The following CSMD2 variants were observed in gnomAD, a reference collection of about 807,000 sequenced individuals.
CSMD2 encodes CUB and Sushi multiple domains 2, also known as CUB and sushi domain-containing protein 2.
In CSMD2, 130 loss-of-function variants were observed where a neutral mutation model predicts 398.5. The ratio of observed to expected loss-of-function variants is 0.33; its 90% CI spans 0.28 to 0.38. CSMD2 has a LOEUF of 0.38. Among genes scored for constraint, CSMD2 ranks in the 10% least tolerant of loss-of-function variants. The probability of loss-of-function intolerance (pLI) is 1.00; values close to 1 mark genes in which losing one functional copy is unlikely to be tolerated. For missense variants in CSMD2, 3,829 were observed against 4,764.9 expected, an observed-to-expected ratio of 0.80 and a Z score of 5.78; for synonymous variants, 1,828 against 1,908.5, an observed-to-expected ratio of 0.96 and a Z score of 1.10.
In CSMD2 at chr1:34,165,087, G is replaced by A; in HGVS notation, c.11C>T (p.Ser4Leu). The change falls in exon 1 of 71, where the codon TCG becomes TTG. Residue 4 changes from serine to leucine, a missense_variant. Transcript: ENST00000373381. ...GCAGCGCCCCAGCTCCCGTCCCCGCGAGCGCGGCATGGCGCGGCCGGCAGC... is the reference window on the plus strand; with the variant it reads ...GCAGCGCCCCAGCTCCCGTCCCCGCAAGCGCGGCATGGCGCGGCCGGCAGC... Reference protein sequence around the residue: MPRSRGRELGRCGC... With the variant: MPRLRGRELGRCGC... The A allele has an allele frequency of 1.6e-6, 2 of 1,214,440 alleles. No individual in the cohort carries two copies. The highest frequency in any genetic ancestry group is 1.0e-6 in the Non-Finnish European group (1 of 976,730). 75.2% of individuals were successfully genotyped at this position (1,214,440 alleles called of 1,614,324 possible).
intron 2 of CSMD2, among the ~76,000 whole-genome samples, chr1:34,032,921 C>T (rs1418356848): frequency 6.6e-6 from 1 of 152,186 alleles, no homozygotes; most frequent in Non-Finnish European, 1.5e-5. Context: ...TGGTCTAATC[C>T]CCAACCTGGA....
At chr1:33,874,136 AG>A (rs1331082017) in intron 5 of CSMD2, among the ~76,000 whole-genome samples, 6 of 152,226 alleles carry the variant, frequency 3.9e-5, no homozygotes, top group Non-Finnish European at 7.3e-5. Context: ...AGAGAAGGGA[AG>A]GGATCTTGCC....
intron 44 of CSMD2, among the ~76,000 whole-genome samples, chr1:33,591,571 TATAAA>T (rs1639459241): frequency 2.6e-5 from 4 of 152,190 alleles, no homozygotes. Flanking sequence ...CACTGAACAA[TATAAA>T]ATAAACATTT....
intron 2 of CSMD2, among the ~76,000 whole-genome samples, chr1:34,044,674 A>T (rs573623110): frequency 6.6e-6 from 1 of 152,194 alleles, no homozygotes; most frequent in Non-Finnish European, 1.5e-5. Flanking sequence ...TCCGAGGGTG[A>T]TCTATGCATG....
chr1:33,716,135 A>T, intron 20 of CSMD2, 151 bp downstream of exon 20: 1 of 648,700 alleles, frequency 1.5e-6, no homozygotes, highest in Non-Finnish European at 2.7e-6. Context: ...GGTCTAACCC[A>T]AGCATCTTTT....
intron 48 of CSMD2, among the ~76,000 whole-genome samples, chr1:33,579,173 C>A (rs1638513973): frequency 6.6e-6 from 1 of 152,212 alleles, no homozygotes; most frequent in Admixed American, 6.5e-5. Context: ...TAATAACGTT[C>A]AGTTCCTAAT....
chr1:33,762,240 G>A (rs1367102810), intron 13 of CSMD2, among the ~76,000 whole-genome samples: 1 of 152,260 alleles, frequency 6.6e-6, no homozygotes, highest in Admixed American at 6.5e-5. Flanking sequence ...TTTTGAGCCA[G>A]CAGCTGTGAA....
rs189544888 is a variant in CSMD2, at chr1:34,064,182, T to C, written c.404+24795A>G. ...GCCTAGAGACATTTTTCCATTGTCT[T>C]TGGGATTAACATTTGGTTCCTTGTT... On this transcript the variant is annotated intron_variant, in intron 2 of 70. Transcript: ENST00000373381. 2.4e-4 allele frequency among the ~76,000 whole-genome samples: 36 copies of C among 152,346 alleles called. 1 individual carries two copies. The East Asian group carries it at 6.8e-3, about 29-fold the overall frequency.
chr1:33,714,884 A>C (rs1379044071), intron 20 of CSMD2, 109 bp from the exon 21 acceptor site: 1 of 1,074,448 alleles, frequency 9.3e-7, no homozygotes, highest in Non-Finnish European at 1.4e-6. Context: ...AGGGACAACG[A>C]AAGACAGAGA....
intron 1 of CSMD2, among the ~76,000 whole-genome samples, chr1:34,142,958 G>T (rs1639442363): frequency 6.6e-6 from 1 of 152,124 alleles, no homozygotes; most frequent in African/African-American, 2.4e-5. Flanking sequence ...GTGCTGTGTG[G>T]AAACAGCTGT....
At chr1:34,072,984 C>T (rs1406108369) in intron 2 of CSMD2, among the ~76,000 whole-genome samples, 4 of 152,272 alleles carry the variant, frequency 2.6e-5, no homozygotes, top group South Asian at 4.1e-4. Context: ...GGATATCAAG[C>T]AGATACCAGG....
At chr1:34,114,133 A>G (rs771121) in intron 1 of CSMD2, among the ~76,000 whole-genome samples, 60,605 of 151,868 alleles carry the variant, frequency 0.4, 12,677 homozygotes, top group East Asian at 0.68. Flanking sequence ...GAAATTACAA[A>G]CCCTTGAAGG....
At chr1:34,150,075 C>CTTTTTTTTTTTTTTTTTTTTTTT (rs201785327) in intron 1 of CSMD2, among the ~76,000 whole-genome samples, 1 of 119,624 alleles carries the variant, frequency 8.4e-6, no homozygotes, top group African/African-American at 2.9e-5. Flanking sequence ...CATTTTTCTT[C>CTTTTTTTTTTTTTTTTTTTTTTT]TTTCTTTTTT....
At chr1:33,864,227 T>G in intron 5 of CSMD2, 1 of 1,610,312 alleles carries the variant, frequency 6.2e-7, no homozygotes, top group Non-Finnish European at 8.5e-7. Flanking sequence ...CTAAGGCAAA[T>G]GTCTCTTCTT....
chr1:33,796,017 AG>A (rs1371305706), intron 10 of CSMD2, among the ~76,000 whole-genome samples: 2 of 152,232 alleles, frequency 1.3e-5, no homozygotes, highest in Non-Finnish European at 2.9e-5. Flanking sequence ...ACAGATATTC[AG>A]CTCTATTGAT....
Position 33,736,349 on chromosome 1 carries a change from T to C in CSMD2, c.2368+2791A>G, listed in dbSNP as rs538539982. On this transcript the variant is annotated intron_variant, in intron 15 of 70. Coordinates refer to ENST00000373381, the MANE Select transcript of CSMD2 (RefSeq NM_001281956.2). ...ACAAAAAATTAGCTGGGTGTGGTGG[T>C]GGGCGCCTGTAGTCCCAGCTACTTG... Among the ~76,000 whole-genome samples, 4 of 151,912 alleles carry C rather than the reference T, an allele frequency of 2.6e-5. No individual in the cohort carries two copies. The East Asian group carries it at 7.8e-4, about 30-fold the overall frequency.
At chr1:33,984,362 G>A (rs1210201080) in intron 3 of CSMD2, among the ~76,000 whole-genome samples, 1 of 152,166 alleles carries the variant, frequency 6.6e-6, no homozygotes, top group African/African-American at 2.4e-5. Flanking sequence ...CTCGGTGTGG[G>A]GTGGGGGCTG....
chr1:33,559,317 A>T lies in CSMD2; in HGVS notation c.8537T>A (p.Met2846Lys). The change falls in exon 54 of 71, where the codon ATG (methionine) becomes AAG (lysine). Residue 2846 changes from methionine (M) to lysine (K), a missense_variant. Met to Lys is a moderately conservative substitution (Grantham distance 95). Around this residue, in one of 5 missense-constraint regions of CSMD2, gnomAD observed 917 missense variants for 1,199.5 expected, o/e 0.76. Transcript: ENST00000373381. The surrounding 1 kb of genome is among the most constrained non-coding windows in gnomAD (Gnocchi z 4.0). ...QCLASGQWSD[M>K]LPTCRIINCT... ...TGACTCACTTCTGCAGGTGGGCAGCATGTCACTCCATTGCCCGCTGGCCAG... is the reference window on the plus strand; with the variant it reads ...TGACTCACTTCTGCAGGTGGGCAGCTTGTCACTCCATTGCCCGCTGGCCAG... The T allele has an allele frequency of 2.0e-6, 3 of 1,535,436 alleles. No individual in the cohort carries two copies.
At chr1:33,969,292 T>A (rs931196030) in intron 3 of CSMD2, among the ~76,000 whole-genome samples, 4 of 152,220 alleles carry the variant, frequency 2.6e-5, no homozygotes, top group African/African-American at 9.7e-5. Flanking sequence ...TAAATAGTAA[T>A]ATATTGAACA....
Sources: allele counts gnomAD v4.1 joint callset (sites outside exome capture counted in the v4.1 genomes callset), GRCh38; gene constraint gnomAD v4.1.1; regional missense constraint gnomAD v4.1.1; non-coding constraint Gnocchi (gnomAD v3.1); transcripts MANE v1.5; gene names NCBI Gene and HGNC (gene_info 2026-07-23, HGNC 2026-07-21).